Variants in INTU observed in about 807,000 individuals in gnomAD.
INTU encodes the protein inturned planar cell polarity protein, also known as protein inturned.
Under a neutral mutation model 100.5 loss-of-function variants are expected in INTU, and 68 were observed. The ratio of observed to expected loss-of-function variants is 0.68; its 90% confidence interval spans 0.56 to 0.83. The LOEUF (loss-of-function observed/expected upper bound fraction) is 0.83, where lower values mean the gene tolerates loss of function less well. Among genes scored for constraint, INTU ranks in the 40% least tolerant of loss-of-function variants. INTU has a pLI of 0.00. For missense variants in INTU, 1,071 were observed against 1,114.7 expected, an observed-to-expected ratio of 0.96 and a Z score of 0.56; for synonymous variants, 357 against 395.7, an observed-to-expected ratio of 0.90 and a Z score of 1.16.
intron 14 of INTU, among the ~76,000 whole-genome samples, chr4:127,712,506 G>A (rs1243181423): frequency 2.0e-5 from 3 of 152,254 alleles, no homozygotes; most frequent in East Asian, 1.9e-4. Flanking sequence ...TTCTAGGAAC[G>A]TGGGATACAA....
intron 1 of INTU, among the ~76,000 whole-genome samples, chr4:127,643,111 T>C (rs1425411776): frequency 1.3e-5 from 2 of 152,238 alleles, no homozygotes; most frequent in Non-Finnish European, 2.9e-5. Context: ...CCAAATGGCA[T>C]GCTTGTGTGG....
intron 2 of INTU, among the ~76,000 whole-genome samples, chr4:127,653,587 T>C (rs935199155): frequency 6.6e-4 from 100 of 152,234 alleles, no homozygotes; most frequent in Middle Eastern, 3.4e-3. Flanking sequence ...GTCTGAGAGA[T>C]AGTTTGTTAT....
chr4:127,651,712 G>C (rs1434623657), intron 2 of INTU, among the ~76,000 whole-genome samples: 1 of 151,644 alleles, frequency 6.6e-6, no homozygotes, highest in African/African-American at 2.4e-5. Context: ...GCTCTTTTTT[G>C]GTTCCATATG....
At chr4:127,708,522 A>G (rs1359019442) in intron 12 of INTU, 49 bp from the exon 13 acceptor site, 1 of 950,620 alleles carries the variant, frequency 1.1e-6, no homozygotes, top group South Asian at 1.4e-5. Context: ...TTTCTGCTAT[A>G]TGATTCCATT....
chr4:127,676,378 G>C (rs1729181493), intron 6 of INTU, among the ~76,000 whole-genome samples: 3 of 152,026 alleles, frequency 2.0e-5, no homozygotes, highest in African/African-American at 7.2e-5. Context: ...TTGAGCTCAG[G>C]AGTTCAAGAC....
intron 8 of INTU, among the ~76,000 whole-genome samples, chr4:127,693,813 T>C (rs533846426): frequency 3.3e-5 from 5 of 152,192 alleles, no homozygotes; most frequent in Admixed American, 6.6e-5. Context: ...ATGCTTTTTC[T>C]GTGTCTATTG....
At chr4:127,702,383 G>A (rs1730686343) in intron 9 of INTU, among the ~76,000 whole-genome samples, 1 of 152,062 alleles carries the variant, frequency 6.6e-6, no homozygotes, top group African/African-American at 2.4e-5. Flanking sequence ...GTAATACAAA[G>A]ACCTGTATAC....
intron 11 of INTU, among the ~76,000 whole-genome samples, chr4:127,706,195 G>A (rs1397668617): frequency 2.0e-5 from 3 of 152,152 alleles, no homozygotes; most frequent in African/African-American, 7.2e-5. Flanking sequence ...AATTGTAGAT[G>A]AAAGGACTTC....
intron 4 of INTU, among the ~76,000 whole-genome samples, chr4:127,663,805 CAGTTATTTCTGTAGGAAA>C (rs757308038): frequency 9.2e-5 from 14 of 151,938 alleles, no homozygotes; most frequent in Admixed American, 2.0e-4. Context: ...ACAAATTATT[CAGTTATTTCTGTAGGAAA>C]AGAAAAAAGA....
chr4:127,657,937 C>T (rs79420854), intron 3 of INTU, among the ~76,000 whole-genome samples: 2,929 of 152,180 alleles, frequency 0.019, 90 homozygotes, highest in African/African-American at 0.065. Context: ...GTGGAAAAAT[C>T]GTCTTGCATG....
intron 2 of INTU, among the ~76,000 whole-genome samples, chr4:127,646,005 A>C (rs1578532603): frequency 6.6e-6 from 1 of 152,084 alleles, no homozygotes; most frequent in East Asian, 2.0e-4. Context: ...CAACATGGCA[A>C]GACCCCGTGT....
At chr4:127,680,808 A>T (rs935606531) in intron 6 of INTU, among the ~76,000 whole-genome samples, 1 of 151,666 alleles carries the variant, frequency 6.6e-6, no homozygotes, top group South Asian at 2.1e-4. Context: ...GAGGAAGTCA[A>T]ATTGTCCCTG....
intron 6 of INTU, among the ~76,000 whole-genome samples, chr4:127,681,958 C>T (rs1729582794): frequency 6.6e-6 from 1 of 151,956 alleles, no homozygotes; most frequent in Non-Finnish European, 1.5e-5. Flanking sequence ...TGAACAGATA[C>T]TTCTCAAAAG....
intron 5 of INTU, 84 bp from the exon 6 acceptor site, chr4:127,674,040 A>T (rs550864021): frequency 4.9e-6 from 4 of 814,612 alleles, no homozygotes; most frequent in South Asian, 4.6e-5. Flanking sequence ...AAATCATACC[A>T]TATGCAATCT....
intron 9 of INTU, among the ~76,000 whole-genome samples, chr4:127,703,804 C>T (rs1037017938): frequency 2.6e-5 from 4 of 152,066 alleles, no homozygotes; most frequent in African/African-American, 7.2e-5. Context: ...AGTAGAATTA[C>T]TCAGAGGGTA....
chr4:127,645,126 AT>A (rs1205067823), intron 2 of INTU, among the ~76,000 whole-genome samples: 1 of 152,170 alleles, frequency 6.6e-6, no homozygotes, highest in Admixed American at 6.5e-5. Context: ...GTGTTCCAGA[AT>A]GATCTCAACA....
chr4:127,643,451 A>G (rs1437442232), intron 1 of INTU, 70 bp from the exon 2 acceptor site: 2 of 1,306,020 alleles, frequency 1.5e-6, no homozygotes, highest in Admixed American at 2.4e-5. Context: ...CCTCACCCCC[A>G]TGCCAGGATG....
intron 2 of INTU, among the ~76,000 whole-genome samples, chr4:127,644,659 T>C (rs192740157): frequency 4.3e-4 from 66 of 152,322 alleles, no homozygotes; most frequent in African/African-American, 1.4e-3. Flanking sequence ...GATGAACATT[T>C]TGTGTTGCTG....
At position 127,632,987 on chromosome 4, in the gene INTU, A is replaced by G; in HGVS notation, c.-48A>G. 6 of 1,579,434 alleles carry G rather than the reference A, an allele frequency of 3.8e-6. No homozygotes were observed. The highest frequency in any genetic ancestry group is 4.3e-6 in the Non-Finnish European group (5 of 1,157,128). ...CAACATGGCGGCCTTAGCAAGCTATAGCTGCGAGATTTGAATTACTCCACT... is the reference window on the plus strand; with the variant it reads ...CAACATGGCGGCCTTAGCAAGCTATGGCTGCGAGATTTGAATTACTCCACT... On this transcript the variant is annotated 5_prime_UTR_variant, in exon 1 of 16. In the 5' UTR this introduces an upstream ATG that the reference lacks. Coordinates refer to ENST00000335251, the MANE Select transcript of INTU (RefSeq NM_015693.4).
Sources: gnomAD v4.1 joint callset for allele counts (sites outside exome capture counted in the v4.1 genomes callset) on GRCh38, gnomAD v4.1.1 for gene constraint, MANE v1.5 for transcripts, NCBI Gene and HGNC (gene_info 2026-07-23, HGNC 2026-07-21) for gene names.